Variants in GM2A observed in about 807,000 individuals in gnomAD.
GM2A encodes ganglioside GM2 activator.
GM2A carries 7 observed loss-of-function variants against 12.9 expected under a neutral mutation model. The observed-to-expected ratio is 0.54, with a 90% CI of 0.31 to 1.02. The LOEUF is 1.02. Ranked by LOEUF, GM2A falls within the 50% of genes least tolerant of loss-of-function variation. GM2A has a pLI of 0.05. For missense variants in GM2A, 246 were observed against 241.0 expected, an observed-to-expected ratio of 1.02 and a Z score of -0.14; for synonymous variants, 101 against 96.0, an observed-to-expected ratio of 1.05 and a Z score of -0.30.
At chr5:151,255,381 G>A (rs1221752323) in intron 1 of GM2A, among the ~76,000 whole-genome samples, 1 of 152,162 alleles carries the variant, frequency 6.6e-6, no homozygotes, top group African/African-American at 2.4e-5. Flanking sequence ...ACACATTTCT[G>A]GTAGCAAAGG....
chr5:151,269,116 G>T lies in GM2A; in HGVS notation c.*1665G>T. ...GGTCCAAGGAAGAGAGGGTGGCCTC[G>T]ACATCAAACTGCCTGGATTTTTCTA... On this transcript the variant is annotated 3_prime_UTR_variant, in exon 4 of 4. Coordinates refer to ENST00000357164, the MANE Select transcript of GM2A (RefSeq NM_000405.5). 3.0e-6 allele frequency: 3 copies of T among 985,442 alleles called. No homozygotes were observed. Among genetic ancestry groups the T allele is most frequent in the Non-Finnish European group, 3.6e-6 (3 of 829,950 alleles). The allele number at this position is 985,442 out of a possible 1,614,324, so 61.0% of individuals were successfully genotyped here.
chr5:151,253,258 C>A lies in GM2A; in HGVS notation c.42C>A (p.Gly14=). ...AGGCTCCCCTCCTGATCGCCCTGGG[C>A]TTGCTTCTCGCGGCCCCTGCGCAAG... ...LMQAPLLIAL[G]LLLAAPAQAH... The change falls in exon 1 of 4, where the codon GGC becomes GGA. Residue 14 remains glycine (G), a synonymous_variant. Coordinates refer to ENST00000357164, the MANE Select transcript of GM2A (RefSeq NM_000405.5). 6.2e-7 allele frequency: 1 copy of A among 1,614,026 alleles called. No individual in the cohort carries two copies. Among genetic ancestry groups the A allele is most frequent in the Non-Finnish European group, 8.5e-7 (1 of 1,179,928 alleles).
At position 151,267,953 on chromosome 5, in the gene GM2A, TA is replaced by T; in HGVS notation, c.*503del. The T allele has an allele frequency of 8.9e-7, 1 of 1,120,200 alleles. No homozygotes were observed. 69.4% of individuals were successfully genotyped at this position (1,120,200 alleles called of 1,614,324 possible). ...TCCCTTAACTTCTGTGACTAATTTTTATTTCCTTTCTAGATTTGCCCAATTA... is the reference window on the plus strand; with the variant it reads ...TCCCTTAACTTCTGTGACTAATTTTTTTTCCTTTCTAGATTTGCCCAATTA... On this transcript the variant is annotated 3_prime_UTR_variant, in exon 4 of 4. Transcript: ENST00000357164.
rs1015677258 is a variant in GM2A, at chr5:151,268,499, T to TAGG, written c.*1049_*1050insGGA. ...ATGCTATTACAATGTAAATATTTCT[T>TAGG]ACACAGAAAGTCACAGCACATGTGC... On this transcript the variant is annotated 3_prime_UTR_variant, in exon 4 of 4. Transcript: ENST00000357164. 3.0e-6 allele frequency: 3 copies of TAGG among 985,230 alleles called. No homozygotes were observed. The African/African-American group carries it at 5.2e-5, about 17-fold the overall frequency. The allele number at this position is 985,230 out of a possible 1,614,324, so 61.0% of individuals were successfully genotyped here.
chr5:151,258,829 CT>C (rs1486807180), intron 1 of GM2A, among the ~76,000 whole-genome samples: 6 of 152,162 alleles, frequency 3.9e-5, no homozygotes. Context: ...GGCAGGTTTT[CT>C]CTCTGAGACA....
At chr5:151,256,102 G>A (rs1753680241) in intron 1 of GM2A, among the ~76,000 whole-genome samples, 1 of 152,088 alleles carries the variant, frequency 6.6e-6, no homozygotes, top group African/African-American at 2.4e-5. Context: ...TCCTCTTCTA[G>A]CATAACTGAT....
Position 151,269,322 on chromosome 5 carries a change from G to C in GM2A, c.*1871G>C. The C allele has an allele frequency of 2.0e-6, 2 of 985,474 alleles. No homozygotes were observed. Among genetic ancestry groups the C allele is most frequent in the Non-Finnish European group, 2.4e-6 (2 of 829,980 alleles). The allele number at this position is 985,474 out of a possible 1,614,324, so 61.0% of individuals were successfully genotyped here. On this transcript the variant is annotated 3_prime_UTR_variant, in exon 4 of 4. Coordinates refer to ENST00000357164, the MANE Select transcript of GM2A (RefSeq NM_000405.5). ...AGCATTTTTGGGGTGGGGCTCTTTT[G>C]GTTGGAAGGGTTTGTTGGAACGGTA...
intron 2 of GM2A, among the ~76,000 whole-genome samples, chr5:151,260,301 T>C (rs1753771320): frequency 6.6e-6 from 1 of 152,174 alleles, no homozygotes; most frequent in African/African-American, 2.4e-5. Context: ...ATAGTCACTT[T>C]AGAAAACACA....
In GM2A at chr5:151,267,442, G is replaced by C. The variant is rs1753912280; in HGVS notation, c.573G>C (p.Lys191Asn). ...GCATCAAGATCGCTGCCTCTCTAAA[G>C]GGCATATAACATGGCATCTGCCACA... ...LGCIKIAASL[K>N]GI is the part of the protein sequence containing the mutation. Residue 191 changes from lysine (K) to asparagine (N), a missense_variant, in exon 4 of 4, where the codon AAG (lysine) becomes AAC (asparagine). By Grantham distance (94) the Lys-to-Asn change is moderately conservative. Transcript: ENST00000357164. 6.2e-7 allele frequency: 1 copy of C among 1,614,122 alleles called. No individual in the cohort carries two copies. Among genetic ancestry groups the C allele is most frequent in the Admixed American group, 1.7e-5 (1 of 60,018 alleles).
intron 2 of GM2A, among the ~76,000 whole-genome samples, chr5:151,261,709 G>A (rs758671402): frequency 6.6e-6 from 1 of 152,198 alleles, no homozygotes; most frequent in Non-Finnish European, 1.5e-5. Flanking sequence ...AAAGTGCTGG[G>A]ATTACAGACA....
intron 1 of GM2A, among the ~76,000 whole-genome samples, chr5:151,254,786 CAT>C (rs1404475545): frequency 7.2e-5 from 11 of 152,132 alleles, no homozygotes; most frequent in Admixed American, 6.5e-5. Context: ...TTGAATGTCT[CAT>C]GTGATTTACT....
At chr5:151,254,874 C>T (rs1432412138) in intron 1 of GM2A, among the ~76,000 whole-genome samples, 3 of 152,080 alleles carry the variant, frequency 2.0e-5, no homozygotes, top group Non-Finnish European at 4.4e-5. Flanking sequence ...CACTTAGGCA[C>T]GATTGTAAAG....
At chr5:151,267,176 G>A (rs1184447405) in intron 3 of GM2A, 120 bp from the exon 4 acceptor site, 14 of 1,289,950 alleles carry the variant, frequency 1.1e-5, no homozygotes, top group Middle Eastern at 1.8e-4. Context: ...CATCTTGTGC[G>A]GCTGTTTTGA....
At position 151,259,927 on chromosome 5, in the gene GM2A, G is replaced by T; in HGVS notation, c.243+11G>T. 6.2e-7 allele frequency: 1 copy of T among 1,610,686 alleles called. No homozygotes were observed. Among genetic ancestry groups the T allele is most frequent in the Non-Finnish European group, 8.5e-7 (1 of 1,177,118 alleles). Reference sequence around the variant, plus strand: ...AGTTCTCCTCTGAAGGTGAGCCTGGGGGTGGGTGGAGAAGGGGAGGTGCGA... The same window carrying T: ...AGTTCTCCTCTGAAGGTGAGCCTGGTGGTGGGTGGAGAAGGGGAGGTGCGA... On this transcript the variant is annotated intron_variant, in intron 2 of 3. Coordinates refer to ENST00000357164, the MANE Select transcript of GM2A (RefSeq NM_000405.5).
chr5:151,261,881 T>C (rs1753805842), intron 2 of GM2A, among the ~76,000 whole-genome samples: 1 of 152,216 alleles, frequency 6.6e-6, no homozygotes, highest in Non-Finnish European at 1.5e-5. Flanking sequence ...GCCAGAGGGT[T>C]TTTTTTGTTT....
At position 151,266,550 on chromosome 5, in the gene GM2A, C is replaced by T. The variant is rs552586742; in HGVS notation, c.244-181C>T. Among the ~76,000 whole-genome samples, 3 of 151,898 alleles carry T rather than the reference C, an allele frequency of 2.0e-5. No homozygotes were observed. In the East Asian group the frequency reaches 5.8e-4, roughly 29 times the overall value. The stretch of plus-strand genomic sequence containing the variant: ...GCCATGGGCACAATAATACACTATA[C>T]TCACACATGGGCCACAATGTTGCCA... On this transcript the variant is annotated intron_variant, in intron 2 of 3. Coordinates refer to ENST00000357164, the MANE Select transcript of GM2A (RefSeq NM_000405.5).
intron 1 of GM2A, among the ~76,000 whole-genome samples, chr5:151,258,643 A>G (rs1303983278): frequency 1.3e-5 from 2 of 152,084 alleles, no homozygotes; most frequent in African/African-American, 4.8e-5. Context: ...TCTGGCCTCA[A>G]CCCAAAACTT....
chr5:151,255,030 G>A (rs1010899759), intron 1 of GM2A, among the ~76,000 whole-genome samples: 6 of 152,136 alleles, frequency 3.9e-5, no homozygotes, highest in Non-Finnish European at 5.9e-5. Flanking sequence ...GACCAGGTGC[G>A]GTGGTGCACA....
chr5:151,263,318 C>T lies in GM2A; in HGVS notation c.243+3402C>T, dbSNP rs186482959. On this transcript the variant is annotated intron_variant, in intron 2 of 3. Transcript: ENST00000357164. ...CTCCTGACCTCAGGTGATCTGCCCA[C>T]CTTGGCCTCCCAAAGTGCTGGGATT... Among the ~76,000 whole-genome samples the T allele has an allele frequency of 4.0e-3, 613 of 152,074 alleles. 7 individuals are homozygous for T. Among genetic ancestry groups the T allele is most frequent in the African/African-American group, 0.014 (594 of 41,502 alleles).
Sources: gnomAD v4.1 joint callset for allele counts (sites outside exome capture counted in the v4.1 genomes callset) on GRCh38, gnomAD v4.1.1 for gene constraint, MANE v1.5 for transcripts, NCBI Gene and HGNC (gene_info 2026-07-23, HGNC 2026-07-21) for gene names.